The following TPD52L2 variants were observed in gnomAD, a reference collection of about 807,000 sequenced individuals.
The protein encoded by TPD52L2 is TPD52 like 2.
In TPD52L2, 19 loss-of-function variants were observed where a neutral mutation model predicts 24.7. The observed-to-expected ratio is 0.77, with a 90% CI of 0.54 to 1.13. The LOEUF (loss-of-function observed/expected upper bound fraction) is 1.13, where lower values mean the gene tolerates loss of function less well. Ranked by LOEUF, TPD52L2 falls within the 50% of genes most tolerant of loss-of-function variation. The pLI, the probability that TPD52L2 is intolerant of heterozygous loss-of-function variation, is 0.00. For synonymous variants in TPD52L2, 104 were observed against 100.2 expected (o/e 1.04, Z -0.23); for missense variants, 236 against 250.4 (o/e 0.94, Z 0.39).
rs1326233943 is a variant in TPD52L2, at chr20:63,877,780, C to T, written c.374+1905C>T. 6.6e-6 allele frequency among the ~76,000 whole-genome samples: 1 copy of T among 152,302 alleles called. No individual in the cohort carries two copies. Among genetic ancestry groups the T allele is most frequent in the African/African-American group, 2.4e-5 (1 of 41,486 alleles). On this transcript the variant is annotated intron_variant, in intron 4 of 6. Transcript: ENST00000346249. This position sits in a 1 kb window ranked among gnomAD's most constrained non-coding sequence, Gnocchi z 4.1. The stretch of plus-strand genomic sequence containing the variant: ...TGGAAGCATATGGCCAGTGCATCAC[C>T]TGGCCGAGGCCATTCCCCTGAGTTC...
chr20:63,887,060 G>A (rs1185222022), intron 5 of TPD52L2: 1 of 193,756 alleles, frequency 5.2e-6, no homozygotes, highest in African/African-American at 2.4e-5. Context: ...TACTACCCGA[G>A]AGCCCATAGG....
chr20:63,874,603 G>C (rs1332436582), intron 3 of TPD52L2, among the ~76,000 whole-genome samples: 1 of 151,924 alleles, frequency 6.6e-6, no homozygotes, highest in Non-Finnish European at 1.5e-5. Flanking sequence ...CAAATTTCTG[G>C]GCTCAAGCAA....
rs972150796 is a variant in TPD52L2, at chr20:63,865,329, A to G, written c.-37A>G. The G allele has an allele frequency of 2.2e-5, 34 of 1,519,342 alleles. No individual in the cohort carries two copies. Among genetic ancestry groups the G allele is most frequent in the African/African-American group, 4.2e-5 (3 of 71,050 alleles). The allele number at this position is 1,519,342 out of a possible 1,614,324, so 94.1% of individuals were successfully genotyped here. A position where few individuals can be genotyped will look rare whatever the true frequency, so the allele number is the denominator to read the frequency against. On this transcript the variant is annotated 5_prime_UTR_variant, in exon 1 of 7. Coordinates refer to ENST00000346249, the MANE Select transcript of TPD52L2 (RefSeq NM_003288.4). ...TCCCGGCGCCGCCCGCTCGGCTCCC[A>G]TAGCGCCCGCGACAGCGGTCCGGAC...
rs761651932 is a variant in TPD52L2, at chr20:63,869,460, C to G, written c.165+19C>G. 3.1e-6 allele frequency: 5 copies of G among 1,613,424 alleles called. No individual in the cohort carries two copies. In the African/African-American group the frequency reaches 6.7e-5, roughly 22 times the overall value. On this transcript the variant is annotated intron_variant, in intron 2 of 6. Coordinates refer to ENST00000346249, the MANE Select transcript of TPD52L2 (RefSeq NM_003288.4). ...TACCAAGGTGCTGTGGCTTGGCTGT[C>G]TGTCCTGGGGTGAATTGGAGTTAAG... is the stretch of plus-strand genomic sequence containing the variant.
chr20:63,868,772 C>G (rs889495848), intron 1 of TPD52L2, among the ~76,000 whole-genome samples: 1 of 152,170 alleles, frequency 6.6e-6, no homozygotes, highest in East Asian at 1.9e-4. Flanking sequence ...GACGAAACCC[C>G]GTCTCTACTG....
chr20:63,876,643 T>A (rs550906517), intron 4 of TPD52L2: 43 of 400,800 alleles, frequency 1.1e-4, no homozygotes, highest in Admixed American at 9.3e-4. Context: ...CCACAGAACA[T>A]GGGCAGAAAG....
intron 4 of TPD52L2, among the ~76,000 whole-genome samples, chr20:63,879,266 C>T (rs918671377): frequency 6.6e-6 from 1 of 152,174 alleles, no homozygotes; most frequent in Non-Finnish European, 1.5e-5. Flanking sequence ...TTTCCACACC[C>T]GAGCAATGCT....
At chr20:63,874,609 A>G (rs140396076) in intron 3 of TPD52L2, among the ~76,000 whole-genome samples, 2 of 152,220 alleles carry the variant, frequency 1.3e-5, no homozygotes, top group East Asian at 3.9e-4. Flanking sequence ...TCTGGGCTCA[A>G]GCAATCCTCT....
At chr20:63,889,707 C>T (rs565236744) in intron 6 of TPD52L2, 143 bp from the exon 7 acceptor site, 14 of 748,680 alleles carry the variant, frequency 1.9e-5, no homozygotes, top group South Asian at 1.1e-4. Flanking sequence ...GGCTGGTGCC[C>T]GTCCGTGATT....
At chr20:63,883,800 C>T (rs533107015) in intron 5 of TPD52L2, among the ~76,000 whole-genome samples, 4 of 135,292 alleles carry the variant, frequency 3.0e-5, no homozygotes, top group Non-Finnish European at 4.8e-5. Context: ...TTCAGAGATA[C>T]GTACATCTCC....
intron 2 of TPD52L2, among the ~76,000 whole-genome samples, chr20:63,872,114 C>T (rs2052490968): frequency 6.7e-6 from 1 of 148,214 alleles, no homozygotes; most frequent in South Asian, 2.1e-4. Context: ...TTCTGTTGCT[C>T]AGTTCTAACT....
intron 5 of TPD52L2, among the ~76,000 whole-genome samples, chr20:63,885,861 A>G (rs1382797448): frequency 6.6e-6 from 1 of 152,170 alleles, no homozygotes; most frequent in Admixed American, 6.5e-5. Context: ...TGGTGTGCGG[A>G]CTGGAGGAGC....
chr20:63,882,596 C>A, intron 4 of TPD52L2, 123 bp from the exon 5 acceptor site: 1 of 770,834 alleles, frequency 1.3e-6, no homozygotes, highest in Non-Finnish European at 2.2e-6. Flanking sequence ...TGGCGAGTGT[C>A]CACCCCTTGG....
At chr20:63,883,806 TCTC>T (rs1262356711) in intron 5 of TPD52L2, among the ~76,000 whole-genome samples, 8 of 126,262 alleles carry the variant, frequency 6.3e-5, no homozygotes, top group Non-Finnish European at 5.1e-5. Flanking sequence ...GATACGTACA[TCTC>T]CTGCTGGGCT....
At chr20:63,871,055 T>G (rs1404077699) in intron 2 of TPD52L2, among the ~76,000 whole-genome samples, 1 of 151,202 alleles carries the variant, frequency 6.6e-6, no homozygotes. Flanking sequence ...TTTTGTTGTT[T>G]TTCTTGAGAC....
At chr20:63,887,337 C>A (rs142435690) in intron 5 of TPD52L2, 7 of 652,768 alleles carry the variant, frequency 1.1e-5, no homozygotes, top group South Asian at 1.0e-4. Context: ...GCTCTCCCCC[C>A]TCCCAGTGCT....
intron 3 of TPD52L2, among the ~76,000 whole-genome samples, chr20:63,875,056 C>T (rs536335005): frequency 3.0e-4 from 45 of 151,834 alleles, no homozygotes; most frequent in African/African-American, 9.7e-4. Context: ...GCAGGAGAAT[C>T]TCTTTAACCC....
At position 63,875,802 on chromosome 20, in the gene TPD52L2, C is replaced by T. The variant is rs1205917799; in HGVS notation, c.315-14C>T. 6.2e-7 allele frequency: 1 copy of T among 1,613,596 alleles called. No individual in the cohort carries two copies. The highest frequency in any genetic ancestry group is 1.3e-5 in the African/African-American group (1 of 74,896). ...GTTCTTCTAAATAATTCACTGTAGA[C>T]TTTCTGTTTTTAGCTATGTGAAAAC... On this transcript the variant is annotated splice_polypyrimidine_tract_variant and intron_variant, in intron 3 of 6. Transcript: ENST00000346249.
Position 63,890,062 on chromosome 20 carries a change from C to T in TPD52L2, c.*117C>T. 2 of 1,534,272 alleles carry T rather than the reference C, an allele frequency of 1.3e-6. No individual in the cohort carries two copies. The highest frequency in any genetic ancestry group is 1.8e-6 in the Non-Finnish European group (2 of 1,138,880). ...GGATGAGCAGAGCCGGCCCTGAGGA[C>T]AGTCCTGCCCATCCACGCGGAGATG... is the stretch of plus-strand genomic sequence containing the variant. On this transcript the variant is annotated 3_prime_UTR_variant, in exon 7 of 7. Transcript: ENST00000346249.
Sources: gnomAD v4.1 joint callset for allele counts (sites outside exome capture counted in the v4.1 genomes callset) on GRCh38, gnomAD v4.1.1 for gene constraint, Gnocchi (gnomAD v3.1) non-coding constraint, MANE v1.5 for transcripts, NCBI Gene and HGNC (gene_info 2026-07-23, HGNC 2026-07-21) for gene names.